The following ARHGAP24 variants were observed in gnomAD, a reference collection of about 807,000 sequenced individuals.
ARHGAP24 encodes Rho GTPase activating protein 24, also known as rho GTPase-activating protein 24.
In ARHGAP24, 50 loss-of-function variants were observed where a neutral mutation model predicts 76.4. That is an observed-to-expected ratio of 0.65 (90% CI 0.52 to 0.83). The LOEUF (loss-of-function observed/expected upper bound fraction) is 0.83. Ranked by LOEUF, ARHGAP24 falls within the 40% of genes least tolerant of loss-of-function variation. The pLI is 0.00. For synonymous variants in ARHGAP24, 345 were observed against 323.3 expected, an observed-to-expected ratio of 1.07 and a Z score of -0.72; for missense variants, 930 against 914.2, an observed-to-expected ratio of 1.02 and a Z score of -0.22.
chr4:85,713,917 C>T (rs1724627638), intron 2 of ARHGAP24, among the ~76,000 whole-genome samples: 1 of 152,100 alleles, frequency 6.6e-6, no homozygotes, highest in Non-Finnish European at 1.5e-5. Flanking sequence ...TGTAATATTA[C>T]AGAGTGGTTC....
chr4:85,997,409 T>G (rs1035091934), intron 9 of ARHGAP24, among the ~76,000 whole-genome samples: 1 of 145,676 alleles, frequency 6.9e-6, no homozygotes, highest in African/African-American at 2.5e-5. Context: ...GATAGATAGA[T>G]AGATAATATT....
intron 1 of ARHGAP24, among the ~76,000 whole-genome samples, chr4:85,544,803 C>T (rs1381250619): frequency 2.6e-5 from 4 of 152,086 alleles, no homozygotes; most frequent in African/African-American, 9.7e-5. Flanking sequence ...TGTTACAACT[C>T]CCTGCCTTTC....
At chr4:85,772,390 TTTCCTA>T in intron 3 of ARHGAP24, among the ~76,000 whole-genome samples, 1 of 152,300 alleles carries the variant, frequency 6.6e-6, no homozygotes, top group Non-Finnish European at 1.5e-5. Flanking sequence ...GAGAAGGAAT[TTTCCTA>T]TTCCAACTTT....
intron 2 of ARHGAP24, among the ~76,000 whole-genome samples, chr4:85,692,293 A>G (rs1017337160): frequency 6.6e-6 from 1 of 152,166 alleles, no homozygotes; most frequent in Non-Finnish European, 1.5e-5. Context: ...GGGGAATCCA[A>G]TTACTATGTG....
chr4:85,874,535 G>C (rs957887947), intron 3 of ARHGAP24, among the ~76,000 whole-genome samples: 1 of 151,734 alleles, frequency 6.6e-6, no homozygotes, highest in East Asian at 1.9e-4. Flanking sequence ...CTTTCTCTTT[G>C]ATTGTGAGAA....
chr4:85,656,940 T>G (rs761003862), intron 2 of ARHGAP24, among the ~76,000 whole-genome samples: 2 of 136,594 alleles, frequency 1.5e-5, no homozygotes, highest in Admixed American at 7.7e-5. Context: ...TTGGCTGGAG[T>G]GTAAGCTGCT....
At chr4:85,789,575 T>A (rs1184148513) in intron 3 of ARHGAP24, among the ~76,000 whole-genome samples, 1 of 152,174 alleles carries the variant, frequency 6.6e-6, no homozygotes, top group African/African-American at 2.4e-5. Flanking sequence ...AAAACTGAGT[T>A]GGCAGTGAGA....
At chr4:85,586,229 TTTGGG>T (rs11279098) in intron 2 of ARHGAP24, among the ~76,000 whole-genome samples, 80,735 of 151,316 alleles carry the variant, frequency 0.53, 22,957 homozygotes, top group Non-Finnish European at 0.65. Flanking sequence ...GGATTTGGGA[TTTGGG>T]TTGAAATAGA....
intron 3 of ARHGAP24, among the ~76,000 whole-genome samples, chr4:85,862,169 A>T (rs966420087): frequency 6.6e-6 from 1 of 152,022 alleles, no homozygotes; most frequent in Admixed American, 6.6e-5. Flanking sequence ...GAAAAACTTC[A>T]ACCAAATTAA....
At chr4:85,611,909 T>A (rs1440731806) in intron 2 of ARHGAP24, among the ~76,000 whole-genome samples, 1 of 152,200 alleles carries the variant, frequency 6.6e-6, no homozygotes, top group Non-Finnish European at 1.5e-5. Context: ...ATCCCCTACT[T>A]GACCTGTGCT....
At chr4:85,749,627 A>G (rs1726182214) in intron 3 of ARHGAP24, among the ~76,000 whole-genome samples, 1 of 152,200 alleles carries the variant, frequency 6.6e-6, no homozygotes, top group Non-Finnish European at 1.5e-5. Context: ...GCTGGAGTGC[A>G]GTGGTGCAGT....
intron 3 of ARHGAP24, among the ~76,000 whole-genome samples, chr4:85,911,088 C>G (rs560980033): frequency 2.6e-5 from 4 of 152,184 alleles, no homozygotes; most frequent in African/African-American, 9.6e-5. Flanking sequence ...TACAGGAATG[C>G]CTGAGTCTGC....
intron 2 of ARHGAP24, among the ~76,000 whole-genome samples, chr4:85,712,190 A>G (rs1578162752): frequency 6.6e-6 from 1 of 152,166 alleles, no homozygotes; most frequent in African/African-American, 2.4e-5. Flanking sequence ...TGGGGTTCCA[A>G]GGACATTAAC....
At chr4:85,743,963 A>G (rs1045314369) in intron 3 of ARHGAP24, among the ~76,000 whole-genome samples, 14 of 152,192 alleles carry the variant, frequency 9.2e-5, no homozygotes, top group African/African-American at 3.1e-4. Context: ...CAAGTTCTCA[A>G]ATCCCAAGAT....
chr4:85,803,776 G>C (rs958954674), intron 3 of ARHGAP24, among the ~76,000 whole-genome samples: 6 of 152,136 alleles, frequency 3.9e-5, no homozygotes, highest in South Asian at 4.1e-4. Context: ...ATGTGGCTTT[G>C]CAAACAGTGT....
At chr4:85,905,258 T>G (rs1408460985) in intron 3 of ARHGAP24, among the ~76,000 whole-genome samples, 1 of 152,068 alleles carries the variant, frequency 6.6e-6, no homozygotes, top group African/African-American at 2.4e-5. Flanking sequence ...GGGTGAGAGA[T>G]GATTTACTAA....
At position 85,507,161 on chromosome 4, in the gene ARHGAP24, C is replaced by T. The variant is rs550928559; in HGVS notation, c.-21+31602C>T. On this transcript the variant is annotated intron_variant, in intron 1 of 9. Transcript: ENST00000395184. The stretch of plus-strand genomic sequence containing the variant: ...AGATCTGCATATTGACATATTGGAC[C>T]TTCTGTTGGATCACTGATCACTTTC... 1.3e-4 allele frequency among the ~76,000 whole-genome samples: 20 copies of T among 152,162 alleles called. No homozygotes were observed. The South Asian group carries it at 3.7e-3, about 28-fold the overall frequency.
At chr4:85,656,887 T>C (rs1040755866) in intron 2 of ARHGAP24, among the ~76,000 whole-genome samples, 17 of 152,288 alleles carry the variant, frequency 1.1e-4, no homozygotes, top group Admixed American at 2.6e-4. Context: ...TTACTAACAG[T>C]GTTGTTTAAC....
chr4:85,972,617 C>G (rs1739053976), intron 6 of ARHGAP24, among the ~76,000 whole-genome samples: 1 of 152,118 alleles, frequency 6.6e-6, no homozygotes. Flanking sequence ...ATGTATGATT[C>G]AGTGTTTTTT....
Sources: gnomAD v4.1 joint callset for allele counts (sites outside exome capture counted in the v4.1 genomes callset) on GRCh38, gnomAD v4.1.1 for gene constraint, MANE v1.5 for transcripts, NCBI Gene and HGNC (gene_info 2026-07-23, HGNC 2026-07-21) for gene names.